The following BCAT1 variants were observed in gnomAD, a reference collection of about 807,000 sequenced individuals.
BCAT1 encodes the protein branched-chain-amino-acid aminotransferase, cytosolic.
Under a neutral mutation model 52.4 loss-of-function variants are expected in BCAT1, and 48 were observed. The ratio of observed to expected loss-of-function variants is 0.92; its 90% CI spans 0.73 to 1.16. BCAT1 has a LOEUF of 1.16. Among genes scored for constraint, BCAT1 ranks in the 50% most tolerant of loss-of-function variants. The probability of loss-of-function intolerance (pLI) is 0.00; values close to 1 mark genes in which losing one functional copy is unlikely to be tolerated. For missense variants in BCAT1, 451 were observed against 457.1 expected (o/e 0.99, Z 0.12); for synonymous variants, 167 against 161.3 (o/e 1.04, Z -0.27).
intron 10 of BCAT1, among the ~76,000 whole-genome samples, chr12:24,826,533 A>G (rs1940406096): frequency 6.6e-6 from 1 of 152,186 alleles, no homozygotes; most frequent in Non-Finnish European, 1.5e-5. Flanking sequence ...TGTTTTGGTT[A>G]TTATAGTTTT....
At chr12:24,831,318 C>G (rs916277212) in intron 9 of BCAT1, among the ~76,000 whole-genome samples, 2 of 152,114 alleles carry the variant, frequency 1.3e-5, no homozygotes, top group African/African-American at 4.8e-5. Context: ...TTCCGGTGAA[C>G]AGCAGGCTAC....
chr12:24,927,376 G>A (rs1943606840), intron 1 of BCAT1, among the ~76,000 whole-genome samples: 1 of 152,130 alleles, frequency 6.6e-6, no homozygotes, highest in Non-Finnish European at 1.5e-5. Context: ...AATGCAAGGT[G>A]ATCTACATAG....
intron 1 of BCAT1, among the ~76,000 whole-genome samples, chr12:24,927,978 C>T (rs754141846): frequency 2.6e-5 from 4 of 152,092 alleles, no homozygotes; most frequent in African/African-American, 7.2e-5. Flanking sequence ...CTTAAAAGAC[C>T]GGTATGATCT....
intron 1 of BCAT1, among the ~76,000 whole-genome samples, chr12:24,926,463 C>T (rs1228291705): frequency 6.6e-6 from 1 of 152,228 alleles, no homozygotes; most frequent in Non-Finnish European, 1.5e-5. Flanking sequence ...GAGGTGTACC[C>T]AACAGCTCAT....
intron 1 of BCAT1, among the ~76,000 whole-genome samples, chr12:24,948,530 G>GA (rs1262001042): frequency 1.3e-5 from 2 of 152,178 alleles, no homozygotes; most frequent in African/African-American, 4.8e-5. Flanking sequence ...CACGCTGCAG[G>GA]AAAGCGCATT....
chr12:24,849,479 G>T (rs1055229687), intron 6 of BCAT1, among the ~76,000 whole-genome samples: 2 of 152,190 alleles, frequency 1.3e-5, no homozygotes, highest in East Asian at 3.8e-4. Flanking sequence ...CCGATGTGAT[G>T]CTTGTTGTAG....
At chr12:24,826,444 A>C (rs1714165873) in intron 10 of BCAT1, among the ~76,000 whole-genome samples, 1 of 152,152 alleles carries the variant, frequency 6.6e-6, no homozygotes, top group African/African-American at 2.4e-5. Flanking sequence ...AGTTGGTTGT[A>C]AACATGTGGA....
chr12:24,862,738 G>A (rs896254069), intron 5 of BCAT1, among the ~76,000 whole-genome samples: 2 of 151,708 alleles, frequency 1.3e-5, no homozygotes, highest in Non-Finnish European at 2.9e-5. Context: ...CCAAATTTAT[G>A]AGCCCCATCA....
At chr12:24,907,020 C>A (rs1463297278) in intron 1 of BCAT1, among the ~76,000 whole-genome samples, 1 of 152,216 alleles carries the variant, frequency 6.6e-6, no homozygotes, top group Admixed American at 6.5e-5. Flanking sequence ...ACCCATTTGA[C>A]AAAATGATTG....
At chr12:24,945,227 G>A (rs1394903619) in intron 1 of BCAT1, among the ~76,000 whole-genome samples, 4 of 152,118 alleles carry the variant, frequency 2.6e-5, no homozygotes, top group Non-Finnish European at 5.9e-5. Context: ...TCACTGACAA[G>A]GTCTTATGAT....
At chr12:24,917,763 T>G (rs1943441166) in intron 1 of BCAT1, among the ~76,000 whole-genome samples, 1 of 152,194 alleles carries the variant, frequency 6.6e-6, no homozygotes, top group Admixed American at 6.5e-5. Context: ...AAGGCAGAAG[T>G]CAGGTTAATA....
At chr12:24,943,164 G>C (rs1432828922) in intron 1 of BCAT1, among the ~76,000 whole-genome samples, 3 of 152,122 alleles carry the variant, frequency 2.0e-5, no homozygotes, top group Non-Finnish European at 4.4e-5. Context: ...ATATGTGTTT[G>C]CACATTTTGC....
At chr12:24,902,578 G>A (rs3759085) in intron 1 of BCAT1, 279,749 of 420,538 alleles carry the variant, frequency 0.67, 94,608 homozygotes, top group Non-Finnish European at 0.69. Context: ...TGGGGTGGCA[G>A]AGTCACGTAG....
At position 24,842,115 on chromosome 12, in the gene BCAT1, T is replaced by G. The variant is rs1188781143; in HGVS notation, c.784A>C (p.Asn262His). The change falls in exon 7 of 11, where the codon AAT (asparagine) becomes CAT (histidine). Residue 262 changes from asparagine to histidine, a missense_variant. Asn to His is a moderately conservative substitution (Grantham distance 68, BLOSUM62 1). Coordinates refer to ENST00000261192, the MANE Select transcript of BCAT1 (RefSeq NM_005504.7). ...DHQITEVGTM[N>H]LFLYWINEDG... is the part of the protein sequence containing the mutation. ...TCATTTATCCAGTAAAGAAAAAGAT[T>G]CATAGTTCCCACTTCAGTGATCTGA... is the stretch of plus-strand genomic sequence containing the variant. The G allele has an allele frequency of 2.5e-6, 4 of 1,613,790 alleles. No individual in the cohort carries two copies. The highest frequency in any genetic ancestry group is 3.4e-6 in the Non-Finnish European group (4 of 1,179,818).
At chr12:24,830,661 A>T (rs959232731) in intron 9 of BCAT1, 1 of 152,230 alleles carries the variant, frequency 6.6e-6, no homozygotes, top group African/African-American at 2.4e-5. Context: ...AGCCTGGATC[A>T]TTAAAATTAT....
rs1453404539 is a variant in BCAT1, at chr12:24,875,236, C to G, written c.510+3294G>C. Among the ~76,000 whole-genome samples the G allele has an allele frequency of 3.3e-5, 5 of 152,114 alleles. No homozygotes were observed. The East Asian group carries it at 9.6e-4, about 29-fold the overall frequency. ...CGAAAACCTAATGAATGATCATTAC[C>G]AACATGAATTGCGTAACATCTGTAG... On this transcript the variant is annotated intron_variant, in intron 5 of 10. Transcript: ENST00000261192.
At chr12:24,933,001 G>A (rs574988940) in intron 1 of BCAT1, among the ~76,000 whole-genome samples, 1 of 151,744 alleles carries the variant, frequency 6.6e-6, no homozygotes, top group East Asian at 1.9e-4. Context: ...TAGTAGAGAC[G>A]GGGATTCACC....
chr12:24,819,633 C>A (rs1221689876), intron 10 of BCAT1, among the ~76,000 whole-genome samples: 1 of 152,130 alleles, frequency 6.6e-6, no homozygotes, highest in South Asian at 2.1e-4. Flanking sequence ...CAGTTCTCTG[C>A]CTCTGTCTGA....
Position 24,816,391 on chromosome 12 carries a change from T to G in BCAT1, c.*1617A>C. The stretch of plus-strand genomic sequence containing the variant: ...TGAGAGTTGACCTTCCAAGGAAAAA[T>G]GTTTTCTGTCAAGATTTGACTTTCC... On this transcript the variant is annotated 3_prime_UTR_variant, in exon 11 of 11. Coordinates refer to ENST00000261192, the MANE Select transcript of BCAT1 (RefSeq NM_005504.7). 1 of 396,718 alleles carries G rather than the reference T, an allele frequency of 2.5e-6. No individual in the cohort carries two copies. Among genetic ancestry groups the G allele is most frequent in the East Asian group, 3.6e-5 (1 of 27,996 alleles). The allele number at this position is 396,718 out of a possible 1,614,324, so 24.6% of individuals were successfully genotyped here.
Sources: gnomAD v4.1 joint callset for allele counts (sites outside exome capture counted in the v4.1 genomes callset) on GRCh38, gnomAD v4.1.1 for gene constraint, MANE v1.5 for transcripts, NCBI Gene and HGNC (gene_info 2026-07-23, HGNC 2026-07-21) for gene names.